The following TIMM17B variants were observed in gnomAD, a reference collection of about 807,000 sequenced individuals.
TIMM17B encodes the protein translocase of inner mitochondrial membrane 17B.
Under a neutral mutation model 15.9 loss-of-function variants are expected in TIMM17B, and 10 were observed. The observed-to-expected ratio is 0.63, with a 90% CI of 0.39 to 1.06. TIMM17B has a LOEUF of 1.06. Ranked by LOEUF, TIMM17B falls within the 50% of genes least tolerant of loss-of-function variation. TIMM17B has a pLI of 0.01. For synonymous variants in TIMM17B, 57 were observed against 57.2 expected (o/e 1.00, Z 0.02); for missense variants, 114 against 152.2 (o/e 0.75, Z 1.32).
chrX:48,895,742 G>A (rs1339177206), intron 3 of TIMM17B: 1 of 319,761 alleles, frequency 3.1e-6, no homozygotes, highest in African/African-American at 2.6e-5. Context: ...GAGGTGGTCA[G>A]AGAAAAAGAA....
chrX:48,897,971 A>G (rs2063333736), intron 1 of TIMM17B: 7 of 901,034 alleles, frequency 7.8e-6, no homozygotes, highest in Non-Finnish European at 8.9e-6. Context: ...TCGTTGAGAG[A>G]AGGTCTCATT....
At chrX:48,896,485 C>T in intron 3 of TIMM17B, 1 of 388,054 alleles carries the variant, frequency 2.6e-6, no homozygotes, top group Non-Finnish European at 4.1e-6. Context: ...TCTGGCTTTG[C>T]ACATACATTT....
intron 3 of TIMM17B, chrX:48,896,473 TG>T: frequency 3.2e-6 from 1 of 310,443 alleles, no homozygotes; most frequent in Non-Finnish European, 5.3e-6. Flanking sequence ...AAAAAAAAAC[TG>T]TCTGGCTTTG....
intron 2 of TIMM17B, 34 bp from the exon 2 acceptor site, chrX:48,896,892 G>C (rs373411196): frequency 8.3e-7 from 1 of 1,208,121 alleles, no homozygotes; most frequent in Non-Finnish European, 1.1e-6. Flanking sequence ...GGGTTAATGT[G>C]AGCCCTCCCC....
intron 5 of TIMM17B, 40 bp from the exon 5 acceptor site, chrX:48,894,050 G>A (rs1470530117): frequency 5.0e-6 from 6 of 1,195,974 alleles, no homozygotes; most frequent in Non-Finnish European, 6.8e-6. Context: ...GTGAGAGCAG[G>A]CAGAACAGGG....
At position 48,893,828 on chromosome X, in the gene TIMM17B, G is replaced by C; in HGVS notation, c.431-11C>G. 6 of 1,185,399 alleles carry C rather than the reference G, an allele frequency of 5.1e-6. No individual in the cohort carries two copies. Among genetic ancestry groups the C allele is most frequent in the Non-Finnish European group, 6.8e-6 (6 of 878,769 alleles). On this transcript the variant is annotated splice_polypyrimidine_tract_variant and intron_variant, in intron 6 of 6. Coordinates refer to ENST00000376582, the Ensembl canonical transcript of TIMM17B. Reference sequence around the variant, plus strand: ...CCAGGAATGGGGGCGCTGGAGAAGGGAGACTTGGGTAAGGATGAGTGGAAG... The same window carrying C: ...CCAGGAATGGGGGCGCTGGAGAAGGCAGACTTGGGTAAGGATGAGTGGAAG...
At chrX:48,896,566 G>A in intron 3 of TIMM17B, 193 bp downstream of exon 2, 2 of 911,123 alleles carry the variant, frequency 2.2e-6, no homozygotes, top group Middle Eastern at 4.3e-4. Context: ...GGGGTGGAGG[G>A]TGGAAGACAG....
intron 2 of TIMM17B, 198 bp from the exon 2 acceptor site, chrX:48,897,056 A>G: frequency 4.4e-6 from 4 of 914,903 alleles, no homozygotes; most frequent in Non-Finnish European, 5.9e-6. Flanking sequence ...AATGGGGCAA[A>G]GGGGGAGAAA....
chrX:48,897,077 C>T (rs2063320670), intron 2 of TIMM17B: 1 of 799,669 alleles, frequency 1.3e-6, no homozygotes, highest in African/African-American at 2.1e-5. Context: ...TATTAGTCTT[C>T]GCCCTGTCTA....
rs374440367 is a variant in TIMM17B, at chrX:48,897,774, C to T, written c.-25G>A. The T allele has an allele frequency of 1.3e-5, 16 of 1,206,847 alleles. No homozygotes were observed. The highest frequency in any genetic ancestry group is 3.0e-5 in the East Asian group (1 of 33,687). On this transcript the variant is annotated 5_prime_UTR_variant, in exon 2 of 7. Transcript: ENST00000376582. Reference sequence around the variant, plus strand: ...TGGCGCTGGCGTCTGGCCGCGCAGTCAGGCCACGCCCCCAGCGTAGACGCA... The same window carrying T: ...TGGCGCTGGCGTCTGGCCGCGCAGTTAGGCCACGCCCCCAGCGTAGACGCA...
chrX:48,894,094 C>A lies in TIMM17B; in HGVS notation c.319+3G>T. ...GCTGGGGCCAGGGCCAGGGGTCACTCACTGCGGGCAGCCAGCACAGCCCCG... is the reference window on the plus strand; with the variant it reads ...GCTGGGGCCAGGGCCAGGGGTCACTAACTGCGGGCAGCCAGCACAGCCCCG... On this transcript the variant is annotated splice_donor_region_variant and intron_variant, in intron 5 of 6. Transcript: ENST00000376582. The A allele has an allele frequency of 8.4e-7, 1 of 1,197,346 alleles. No homozygotes were observed. The highest frequency in any genetic ancestry group is 1.1e-6 in the Non-Finnish European group (1 of 887,717).
Position 48,898,067 on chromosome X carries a change from C to T in TIMM17B, c.-73G>A, listed in dbSNP as rs781891692. ...GGGCGGTGTGACAGCCTTCCACTACCTGCACGAGTGTATTGGTAACGTTGG... is the reference window on the plus strand; with the variant it reads ...GGGCGGTGTGACAGCCTTCCACTACTTGCACGAGTGTATTGGTAACGTTGG... On this transcript the variant is annotated splice_region_variant and 5_prime_UTR_variant, in exon 1 of 7. Coordinates refer to ENST00000376582, the Ensembl canonical transcript of TIMM17B. The T allele has an allele frequency of 1.3e-3, 1,320 of 1,036,439 alleles. 2 individuals carry two copies. Among genetic ancestry groups the T allele is most frequent in the Non-Finnish European group, 1.6e-3 (1,263 of 810,570 alleles). 85.4% of individuals were successfully genotyped at this position (1,036,439 alleles called of 1,213,427 possible).
exon 2 of TIMM17B, chrX:48,897,813 G>A: frequency 8.4e-7 from 1 of 1,189,383 alleles, no homozygotes; most frequent in Non-Finnish European, 1.1e-6. Flanking sequence ...CGGCGTCGGA[G>A]CTTTCCGCCT....
At chrX:48,897,513 G>A in intron 2 of TIMM17B, 1 of 439,878 alleles carries the variant, frequency 2.3e-6, no homozygotes. Context: ...GAGAAACATG[G>A]CGTGGTTCGG....
chrX:48,897,552 C>T (rs1467184564), intron 2 of TIMM17B, 172 bp downstream of exon 1: 3 of 459,662 alleles, frequency 6.5e-6, no homozygotes, highest in Non-Finnish European at 1.1e-5. Context: ...TGGTTGTGGC[C>T]CCTCATAACG....
At chrX:48,897,058 G>A in intron 2 of TIMM17B, 200 bp from the exon 2 acceptor site, 1 of 910,516 alleles carries the variant, frequency 1.1e-6, no homozygotes, top group Non-Finnish European at 1.5e-6. Context: ...TGGGGCAAAG[G>A]GGGAGAAATA....
At chrX:48,897,626 G>A in intron 2 of TIMM17B, 98 bp downstream of exon 1, 1 of 695,060 alleles carries the variant, frequency 1.4e-6, no homozygotes, top group Non-Finnish European at 2.3e-6. Flanking sequence ...CCCGAGTCTG[G>A]TACATGGCTC....
At chrX:48,897,133 A>C in intron 2 of TIMM17B, 1 of 476,509 alleles carries the variant, frequency 2.1e-6, no homozygotes, top group Non-Finnish European at 3.3e-6. Flanking sequence ...CAAAGATTAA[A>C]TGAATTGGCA....
chrX:48,897,860 C>T, intron 1 of TIMM17B, 92 bp from the exon 1 acceptor site: 1 of 1,077,457 alleles, frequency 9.3e-7, no homozygotes, highest in Non-Finnish European at 1.2e-6. Flanking sequence ...TACCGCATGT[C>T]ACGCCAAGGA....
Sources: allele counts gnomAD v4.1 joint callset, GRCh38; gene constraint gnomAD v4.1.1; transcripts MANE v1.5; gene names NCBI Gene and HGNC (gene_info 2026-07-23, HGNC 2026-07-21).